PITPNC1: variants seen among roughly 807,000 people sequenced by gnomAD.
PITPNC1 encodes the protein cytoplasmic phosphatidylinositol transfer protein 1.
In PITPNC1, 18 loss-of-function variants were observed where a neutral mutation model predicts 44.7. That is an observed-to-expected ratio of 0.40 (90% CI 0.28 to 0.60). The LOEUF is 0.60. Ranked by LOEUF, PITPNC1 falls within the 20% of genes least tolerant of loss-of-function variation. PITPNC1 has a pLI of 0.39. For synonymous variants in PITPNC1, 141 were observed against 149.6 expected, an observed-to-expected ratio of 0.94 and a Z score of 0.42; for missense variants, 290 against 418.4, an observed-to-expected ratio of 0.69 and a Z score of 2.68.
intron 5 of PITPNC1, chr17:67,612,672 CG>C (rs2041702786): frequency 6.8e-6 from 1 of 147,236 alleles, no homozygotes; most frequent in South Asian, 2.2e-4. Flanking sequence ...GATGGATGGG[CG>C]GATGGATGGA....
At chr17:67,672,164 C>T (rs1383521573) in intron 7 of PITPNC1, among the ~76,000 whole-genome samples, 1 of 151,890 alleles carries the variant, frequency 6.6e-6, no homozygotes, top group African/African-American at 2.4e-5. Context: ...GAACTCCTAA[C>T]CTTAAGTGAT....
In PITPNC1 at chr17:67,531,466, T is replaced by A. The variant is rs537836438; in HGVS notation, c.49-1336T>A. On this transcript the variant is annotated intron_variant, in intron 1 of 8. Transcript: ENST00000581322. ...AGACCCAGACGGCAGCTTGCTTCCA[T>A]TGTCATGGTTACTGGGCTCGGTCCC... 3.3e-5 allele frequency among the ~76,000 whole-genome samples: 5 copies of A among 152,196 alleles called. No homozygotes were observed. In the South Asian group the frequency reaches 1.0e-3, roughly 32 times the overall value.
intron 5 of PITPNC1, among the ~76,000 whole-genome samples, chr17:67,588,269 G>A (rs553286269): frequency 6.6e-6 from 1 of 152,282 alleles, no homozygotes; most frequent in African/African-American, 2.4e-5. Context: ...CTCCCAAAGT[G>A]CTGGGATTAC....
chr17:67,562,043 G>A (rs554285604), intron 4 of PITPNC1, among the ~76,000 whole-genome samples: 10 of 152,260 alleles, frequency 6.6e-5, no homozygotes, highest in African/African-American at 1.9e-4. Context: ...GCCCTAGATC[G>A]TATGAGCCTG....
At chr17:67,667,497 A>G in intron 6 of PITPNC1, among the ~76,000 whole-genome samples, 1 of 151,262 alleles carries the variant, frequency 6.6e-6, no homozygotes, top group South Asian at 2.1e-4. Context: ...TCTCAAAAAA[A>G]AAAAAAAAAA....
At chr17:67,474,987 A>T (rs1257106763) in intron 1 of PITPNC1, among the ~76,000 whole-genome samples, 1 of 152,178 alleles carries the variant, frequency 6.6e-6, no homozygotes, top group African/African-American at 2.4e-5. Context: ...TGAAAGACTA[A>T]GATGATGGCA....
chr17:67,386,460 T>G (rs370612217), intron 1 of PITPNC1, among the ~76,000 whole-genome samples: 2 of 152,360 alleles, frequency 1.3e-5, no homozygotes, highest in African/African-American at 4.8e-5. Flanking sequence ...CTCAGAGTGC[T>G]GGGATTACAG....
At chr17:67,544,135 G>A (rs1486366663) in intron 2 of PITPNC1, among the ~76,000 whole-genome samples, 1 of 152,216 alleles carries the variant, frequency 6.6e-6, no homozygotes, top group Non-Finnish European at 1.5e-5. Context: ...ACAGGCATGA[G>A]CCACCACACC....
chr17:67,521,493 A>G (rs180726262), intron 1 of PITPNC1, among the ~76,000 whole-genome samples: 13 of 152,300 alleles, frequency 8.5e-5, no homozygotes, highest in Non-Finnish European at 1.5e-4. Context: ...TCTTTGTGGG[A>G]TCGGATATTG....
intron 5 of PITPNC1, among the ~76,000 whole-genome samples, chr17:67,602,324 GA>G (rs2041551297): frequency 6.6e-6 from 1 of 152,146 alleles, no homozygotes. Flanking sequence ...GAGAGTAAGA[GA>G]ATACAGGTTG....
chr17:67,414,903 G>A (rs530310781), intron 1 of PITPNC1, among the ~76,000 whole-genome samples: 2 of 152,098 alleles, frequency 1.3e-5, no homozygotes, highest in South Asian at 2.1e-4. Flanking sequence ...TTTTGAGACA[G>A]GGTCTTGCTC....
chr17:67,398,508 G>GTGT (rs556195775), intron 1 of PITPNC1, among the ~76,000 whole-genome samples: 1 of 120,766 alleles, frequency 8.3e-6, no homozygotes, highest in African/African-American at 4.3e-5. Flanking sequence ...ACGTGCAGTT[G>GTGT]GGTGTTGTGG....
At chr17:67,378,650 C>T (rs1827668793) in intron 1 of PITPNC1, among the ~76,000 whole-genome samples, 1 of 152,170 alleles carries the variant, frequency 6.6e-6, no homozygotes, top group African/African-American at 2.4e-5. Flanking sequence ...CCCTCGGGAT[C>T]TGCACGCCCC....
In PITPNC1 at chr17:67,409,403, T is replaced by C. The variant is rs373938261; in HGVS notation, c.48+31201T>C. 5.6e-4 allele frequency among the ~76,000 whole-genome samples: 86 copies of C among 152,242 alleles called. 1 individual carries two copies. Among genetic ancestry groups the C allele is most frequent in the African/African-American group, 2.0e-3 (83 of 41,556 alleles). ...CCGGCCCCAAATTCATTCTTATTCA[T>C]ATGGATATCCATTTGTCCCAGCACC... On this transcript the variant is annotated intron_variant, in intron 1 of 8. Transcript: ENST00000581322.
At chr17:67,410,988 C>T (rs1309899002) in intron 1 of PITPNC1, among the ~76,000 whole-genome samples, 1 of 150,746 alleles carries the variant, frequency 6.6e-6, no homozygotes, top group Non-Finnish European at 1.5e-5. Flanking sequence ...GAGGCTGAGG[C>T]AGAGAACTAC....
In PITPNC1 at chr17:67,428,892, G is replaced by C. The variant is rs543104551; in HGVS notation, c.48+50690G>C. ...GTCTCGCTCTGTCACCCAGGCTAAA[G>C]TGCAGTGGTGTGATCTCGGCTCACT... is the stretch of plus-strand genomic sequence containing the variant. On this transcript the variant is annotated intron_variant, in intron 1 of 8. Coordinates refer to ENST00000581322, the MANE Select transcript of PITPNC1 (RefSeq NM_012417.4). Among the ~76,000 whole-genome samples, 3 of 122,726 alleles carry C rather than the reference G, an allele frequency of 2.4e-5. No homozygotes were observed. The South Asian group carries it at 8.2e-4, about 33-fold the overall frequency. 80.5% of individuals were successfully genotyped at this position (122,726 alleles called of 152,430 possible).
intron 1 of PITPNC1, among the ~76,000 whole-genome samples, chr17:67,395,118 G>T (rs946551907): frequency 6.6e-6 from 1 of 151,856 alleles, no homozygotes; most frequent in African/African-American, 2.4e-5. Flanking sequence ...TCACTGGATA[G>T]ATGGCTGAGA....
chr17:67,396,971 A>T (rs902433209), intron 1 of PITPNC1, among the ~76,000 whole-genome samples: 5 of 148,548 alleles, frequency 3.4e-5, no homozygotes, highest in Non-Finnish European at 6.0e-5. Flanking sequence ...TTATTTTTTT[A>T]AATTTATTTT....
At chr17:67,671,752 C>T (rs919490476) in intron 7 of PITPNC1, among the ~76,000 whole-genome samples, 2 of 152,134 alleles carry the variant, frequency 1.3e-5, no homozygotes, top group Non-Finnish European at 2.9e-5. Flanking sequence ...CTGTTTTCCT[C>T]CTGTGTCCTG....
Sources: allele counts gnomAD v4.1 joint callset (sites outside exome capture counted in the v4.1 genomes callset), GRCh38; gene constraint gnomAD v4.1.1; transcripts MANE v1.5; gene names NCBI Gene and HGNC (gene_info 2026-07-23, HGNC 2026-07-21).